Variants in TMEM245 observed in about 807,000 individuals in gnomAD.
TMEM245 encodes transmembrane protein 245.
Under a neutral mutation model 101.2 loss-of-function variants are expected in TMEM245, and 69 were observed. That is an observed-to-expected ratio of 0.68 (90% CI 0.56 to 0.83). TMEM245 has a LOEUF of 0.83. Among genes scored for constraint, TMEM245 ranks in the 40% least tolerant of loss-of-function variants. The pLI, the probability that TMEM245 is intolerant of heterozygous loss-of-function variation, is 0.00. For synonymous variants in TMEM245, 537 were observed against 449.8 expected, an observed-to-expected ratio of 1.19 and a Z score of -2.45; for missense variants, 1,075 against 1,092.8, an observed-to-expected ratio of 0.98 and a Z score of 0.23.
intron 4 of TMEM245, among the ~76,000 whole-genome samples, chr9:109,091,865 G>A (rs1830015792): frequency 6.6e-6 from 1 of 151,984 alleles, no homozygotes; most frequent in Non-Finnish European, 1.5e-5. Context: ...TCTTAAAGTA[G>A]TATTACTCTA....
rs2132549477 is a variant in TMEM245, at chr9:109,087,213, A to G, written c.1280T>C (p.Ile427Thr). 6.2e-7 allele frequency: 1 copy of G among 1,612,582 alleles called. No individual in the cohort carries two copies. Among genetic ancestry groups the G allele is most frequent in the Non-Finnish European group, 8.5e-7 (1 of 1,179,572 alleles). Residue 427 changes from isoleucine to threonine, a missense_variant, in exon 6 of 18, where the codon ATT becomes ACT. Coordinates refer to ENST00000374586, the MANE Select transcript of TMEM245 (RefSeq NM_032012.4). ...ERQGALAPWPIVGLGKFLLKV... is the reference protein window; with the variant it reads ...ERQGALAPWPTVGLGKFLLKV... ...TAACAAGAATTTTCCAAGCCCGACA[A>G]TGGGCCAAGGCGCGAGAGCTCCCTG...
chr9:109,064,583 GA>G lies in TMEM245; in HGVS notation c.1533-17del. On this transcript the variant is annotated splice_polypyrimidine_tract_variant and intron_variant, in intron 9 of 17. Transcript: ENST00000374586. ...AGGAAGCCAACTAATGTAAAACAAA[GA>G]AAAAAATGAAAAAAGTACACTTTCT... 1.9e-6 allele frequency: 3 copies of G among 1,596,586 alleles called. No individual in the cohort carries two copies. The highest frequency in any genetic ancestry group is 2.6e-6 in the Non-Finnish European group (3 of 1,172,502).
rs750124839 is a variant in TMEM245, at chr9:109,086,003, A to G, written c.1338T>C (p.Asn446=). The G allele has an allele frequency of 1.2e-6, 2 of 1,613,920 alleles. No homozygotes were observed. The highest frequency in any genetic ancestry group is 1.7e-5 in the Admixed American group (1 of 59,990). ...CATCTGGGTGTTCATTTACCTTCTT[A>G]TTTAGCCAGTGCCAGAGCTTGAGGA... ...KVDSKLWHWL[N]KKMIIWLEKM... is the part of the protein sequence containing the mutation. Residue 446 remains asparagine, a synonymous_variant, in exon 7 of 18, where the codon AAT becomes AAC. Transcript: ENST00000374586.
At chr9:109,054,745 G>A (rs1828783951) in intron 12 of TMEM245, among the ~76,000 whole-genome samples, 1 of 152,184 alleles carries the variant, frequency 6.6e-6, no homozygotes, top group Admixed American at 6.5e-5. Flanking sequence ...CTGGCCTCTG[G>A]AGCCAAGGAA....
chr9:109,080,646 A>G (rs773392550), intron 8 of TMEM245, among the ~76,000 whole-genome samples, 193 bp downstream of exon 8: 3 of 152,126 alleles, frequency 2.0e-5, no homozygotes, highest in Non-Finnish European at 4.4e-5. Flanking sequence ...CATGTAAAAG[A>G]GGTCTGAAAA....
chr9:109,099,873 A>G (rs937037238), intron 3 of TMEM245, among the ~76,000 whole-genome samples: 5 of 152,202 alleles, frequency 3.3e-5, no homozygotes, highest in African/African-American at 9.6e-5. Context: ...CCTCATGGGT[A>G]GGATTAATGT....
intron 9 of TMEM245, among the ~76,000 whole-genome samples, chr9:109,068,051 C>T (rs1346987732): frequency 6.6e-6 from 1 of 152,042 alleles, no homozygotes; most frequent in Non-Finnish European, 1.5e-5. Context: ...TTCTATGAAT[C>T]ACCAAAGTCT....
intron 11 of TMEM245, among the ~76,000 whole-genome samples, chr9:109,058,469 C>T (rs533434265): frequency 6.6e-6 from 1 of 152,266 alleles, no homozygotes; most frequent in Non-Finnish European, 1.5e-5. Context: ...AAATGGCTCT[C>T]ATCTGTAATC....
intron 4 of TMEM245, among the ~76,000 whole-genome samples, chr9:109,092,260 CTGT>C (rs1384397149): frequency 6.6e-6 from 1 of 152,170 alleles, no homozygotes; most frequent in Non-Finnish European, 1.5e-5. Context: ...AATGACTTCC[CTGT>C]TGTTTCATAA....
intron 12 of TMEM245, among the ~76,000 whole-genome samples, chr9:109,054,096 C>T (rs1035791387): frequency 1.3e-5 from 2 of 152,042 alleles, no homozygotes; most frequent in Non-Finnish European, 1.5e-5. Context: ...TTTGGGAGGC[C>T]GAGGTGAAAG....
At chr9:109,040,050 G>A (rs556321769) in intron 14 of TMEM245, among the ~76,000 whole-genome samples, 73 of 152,304 alleles carry the variant, frequency 4.8e-4, no homozygotes, top group Non-Finnish European at 5.7e-4. Flanking sequence ...TAAGGACCAC[G>A]TGGAGAAGAC....
At chr9:109,032,334 T>C (rs1273477104) in intron 17 of TMEM245, among the ~76,000 whole-genome samples, 6 of 147,142 alleles carry the variant, frequency 4.1e-5, no homozygotes, top group Non-Finnish European at 6.0e-5. Flanking sequence ...CCCAGACTCA[T>C]GCAATGCATT....
At position 109,119,329 on chromosome 9, in the gene TMEM245, A is replaced by T; in HGVS notation, c.579+6T>A. 6.6e-7 allele frequency: 1 copy of T among 1,524,622 alleles called. No homozygotes were observed. Among genetic ancestry groups the T allele is most frequent in the Non-Finnish European group, 8.8e-7 (1 of 1,140,516 alleles). The allele number at this position is 1,524,622 out of a possible 1,614,324, so 94.4% of individuals were successfully genotyped here. On this transcript the variant is annotated splice_donor_region_variant and intron_variant, in intron 1 of 17. Transcript: ENST00000374586. Reference sequence around the variant, plus strand: ...GGGGGACGGGGGCGGACTGCCGCTCACTCACCCACAGGCTGCTGAAGTAGT... The same window carrying T: ...GGGGGACGGGGGCGGACTGCCGCTCTCTCACCCACAGGCTGCTGAAGTAGT...
chr9:109,100,150 T>C (rs1448731679), intron 3 of TMEM245, among the ~76,000 whole-genome samples: 1 of 152,170 alleles, frequency 6.6e-6, no homozygotes, highest in African/African-American at 2.4e-5. Context: ...GTCATGTAGT[T>C]GTGTTAAGTC....
chr9:109,095,777 T>C (rs956275620), intron 3 of TMEM245, among the ~76,000 whole-genome samples: 3 of 152,206 alleles, frequency 2.0e-5, no homozygotes, highest in Non-Finnish European at 2.9e-5. Context: ...ATCATCACTA[T>C]AAGGATCTCT....
chr9:109,028,756 C>A (rs762385803), intron 17 of TMEM245, among the ~76,000 whole-genome samples: 6 of 152,056 alleles, frequency 3.9e-5, no homozygotes, highest in Non-Finnish European at 2.9e-5. Context: ...AAGCAAAAAC[C>A]CAAATTATCA....
chr9:109,077,244 G>A (rs961991017), intron 8 of TMEM245, among the ~76,000 whole-genome samples: 11 of 151,290 alleles, frequency 7.3e-5, no homozygotes, highest in East Asian at 4.0e-4. Flanking sequence ...TCAATCTCCC[G>A]GGATCAAGCA....
intron 4 of TMEM245, 65 bp downstream of exon 4, chr9:109,093,410 A>G (rs981684818): frequency 2.9e-6 from 4 of 1,393,280 alleles, no homozygotes; most frequent in African/African-American, 1.4e-5. Flanking sequence ...GGTGTCCTGA[A>G]TTTTACTTTC....
rs142278473 is a variant in TMEM245, at chr9:109,083,693, A to C, written c.1344+2304T>G. On this transcript the variant is annotated intron_variant, in intron 7 of 17. Coordinates refer to ENST00000374586, the MANE Select transcript of TMEM245 (RefSeq NM_032012.4). ...TTCTCTTTCATTATTCTGGGCCTAT[A>C]TATTTTTCATTTTGCTTTGTTTTTA... Among the ~76,000 whole-genome samples, 120 of 151,896 alleles carry C rather than the reference A, an allele frequency of 7.9e-4. 1 individual carries two copies. The highest frequency in any genetic ancestry group is 2.7e-3 in the African/African-American group (110 of 41,452).
Sources: allele counts gnomAD v4.1 joint callset (sites outside exome capture counted in the v4.1 genomes callset), GRCh38; gene constraint gnomAD v4.1.1; transcripts MANE v1.5; gene names NCBI Gene and HGNC (gene_info 2026-07-23, HGNC 2026-07-21).